Variants in ZDHHC14 observed in about 807,000 individuals in gnomAD.
ZDHHC14 encodes the protein palmitoyltransferase ZDHHC14.
ZDHHC14 carries 16 observed loss-of-function variants against 47.7 expected under a neutral mutation model. That is an observed-to-expected ratio of 0.34 (90% confidence interval 0.23 to 0.51). The LOEUF (loss-of-function observed/expected upper bound fraction) is 0.51. Ranked by LOEUF, ZDHHC14 falls within the 20% of genes least tolerant of loss-of-function variation. The probability of loss-of-function intolerance (pLI) is 0.97; values close to 1 mark genes in which losing one functional copy is unlikely to be tolerated. For missense variants in ZDHHC14, 515 were observed against 662.5 expected (o/e 0.78, Z 2.44); for synonymous variants, 293 against 278.9 (o/e 1.05, Z -0.50).
chr6:157,495,992 A>G (rs1780053971), intron 1 of ZDHHC14, among the ~76,000 whole-genome samples: 1 of 152,172 alleles, frequency 6.6e-6, no homozygotes, highest in African/African-American at 2.4e-5. Flanking sequence ...GGTGTGAGCC[A>G]CTGCACCCGG....
chr6:157,483,032 A>C (rs1779672205), intron 1 of ZDHHC14, among the ~76,000 whole-genome samples: 1 of 152,214 alleles, frequency 6.6e-6, no homozygotes, highest in Non-Finnish European at 1.5e-5. Context: ...GTGAGCCACC[A>C]GGCCTGGCCT....
intron 3 of ZDHHC14, among the ~76,000 whole-genome samples, chr6:157,618,953 C>T (rs1785073417): frequency 1.3e-5 from 2 of 152,222 alleles, no homozygotes; most frequent in South Asian, 4.2e-4. Flanking sequence ...CCTTCTTCCT[C>T]ACTCGCTCAA....
In ZDHHC14 at chr6:157,381,419, G is replaced by A. The variant is rs1431518697; in HGVS notation, c.-603G>A. The stretch of plus-strand genomic sequence containing the variant: ...CCCCGGCTCTCGCCGAGAGGCTCCT[G>A]ACAGAAAAACGTGCGTGGTTGTCCC... On this transcript the variant is annotated 5_prime_UTR_variant, in exon 1 of 9. Transcript: ENST00000359775. The A allele has an allele frequency of 8.1e-6, 2 of 246,530 alleles. No homozygotes were observed. The highest frequency in any genetic ancestry group is 1.7e-5 in the Non-Finnish European group (2 of 118,226). The allele number at this position is 246,530 out of a possible 1,614,324, so 15.3% of individuals were successfully genotyped here.
intron 1 of ZDHHC14, 66 bp downstream of exon 1, chr6:157,382,332 T>C: frequency 1.3e-6 from 2 of 1,560,000 alleles, no homozygotes; most frequent in Non-Finnish European, 1.7e-6. Context: ...CCGCCCCTCC[T>C]CGGGCTGCTT....
intron 1 of ZDHHC14, among the ~76,000 whole-genome samples, chr6:157,538,158 A>G (rs1050890329): frequency 1.3e-5 from 2 of 152,228 alleles, no homozygotes; most frequent in Admixed American, 6.5e-5. Context: ...GGACTGTCAC[A>G]GAGCACCTAG....
Position 157,382,553 on chromosome 6 carries a change from C to T in ZDHHC14, c.245+287C>T, listed in dbSNP as rs1413080706. 2.0e-4 allele frequency among the ~76,000 whole-genome samples: 30 copies of T among 152,232 alleles called. No homozygotes were observed. In the South Asian group the frequency reaches 6.0e-3, roughly 31 times the overall value. On this transcript the variant is annotated intron_variant, in intron 1 of 8. Transcript: ENST00000359775. ...GGCGGATGGGACCCAGCAGGTGGGG[C>T]CGCCGGTCCCTGATCCTTGGGGCGC...
At chr6:157,643,874 C>T (rs1777385095) in intron 5 of ZDHHC14, among the ~76,000 whole-genome samples, 1 of 151,496 alleles carries the variant, frequency 6.6e-6, no homozygotes, top group Non-Finnish European at 1.5e-5. Context: ...TTGACTTTGC[C>T]ATCATTCTAC....
In ZDHHC14 at chr6:157,381,991, G is replaced by A. The variant is rs1777221122; in HGVS notation, c.-31G>A. 1 of 1,311,350 alleles carries A rather than the reference G, an allele frequency of 7.6e-7. No homozygotes were observed. The allele number at this position is 1,311,350 out of a possible 1,614,324, so 81.2% of individuals were successfully genotyped here. ...CCCGCGCGGCCGGGGGGCTCCTGGG[G>A]GTGTGCGCCCCCAGCCGGCTGCCCT... On this transcript the variant is annotated 5_prime_UTR_variant, in exon 1 of 9. Coordinates refer to ENST00000359775, the MANE Select transcript of ZDHHC14 (RefSeq NM_024630.3).
chr6:157,606,186 T>C (rs1054734600), intron 3 of ZDHHC14, among the ~76,000 whole-genome samples: 1 of 152,142 alleles, frequency 6.6e-6, no homozygotes, highest in Non-Finnish European at 1.5e-5. Flanking sequence ...GAGGAGAGTC[T>C]GGAAGCGGTG....
chr6:157,638,284 G>A (rs928924649), intron 5 of ZDHHC14, among the ~76,000 whole-genome samples: 3 of 152,160 alleles, frequency 2.0e-5, no homozygotes, highest in South Asian at 2.1e-4. Context: ...GTCCATAGTC[G>A]GTTCTCCCTC....
intron 1 of ZDHHC14, among the ~76,000 whole-genome samples, chr6:157,453,161 T>C (rs1040423182): frequency 1.3e-5 from 2 of 152,174 alleles, no homozygotes; most frequent in African/African-American, 4.8e-5. Context: ...GTTACTGACT[T>C]GGGTGTCTCC....
At chr6:157,515,804 C>G (rs1780674636) in intron 1 of ZDHHC14, among the ~76,000 whole-genome samples, 1 of 152,128 alleles carries the variant, frequency 6.6e-6, no homozygotes, top group South Asian at 2.1e-4. Flanking sequence ...CACACCATCT[C>G]TTGCACTCAC....
rs768063106 is a variant in ZDHHC14 at position 157,536,819 on chromosome 6, C to CTTTTTTTTTTTTTTT, written c.246-5763_246-5749dup. On this transcript the variant is annotated intron_variant, in intron 1 of 8. Transcript: ENST00000359775. Reference sequence around the variant, plus strand: ...TCTGTCTATCTATCCCTCCATCTATCTTTTTTTTTTTTTTTTTGAGACAGA... The same window carrying CTTTTTTTTTTTTTTT: ...TCTGTCTATCTATCCCTCCATCTATCTTTTTTTTTTTTTTTTTTTTTTTTTTTTTTTTGAGACAGA... Among the ~76,000 whole-genome samples the CTTTTTTTTTTTTTTT allele has an allele frequency of 5.9e-4, 58 of 97,968 alleles. 5 individuals are homozygous for CTTTTTTTTTTTTTTT. The highest frequency in any genetic ancestry group is 1.4e-3 in the African/African-American group (22 of 15,636). The allele number at this position is 97,968 out of a possible 152,430, so 64.3% of individuals were successfully genotyped here. A position where few individuals can be genotyped will look rare whatever the true frequency, so the allele number is the denominator to read the frequency against.
chr6:157,522,944 TC>T (rs1212950725), intron 1 of ZDHHC14, among the ~76,000 whole-genome samples: 12 of 57,056 alleles, frequency 2.1e-4, no homozygotes, highest in African/African-American at 1.4e-3. Flanking sequence ...TTTCTTTCTT[TC>T]CTTCCTTCCT....
chr6:157,505,615 T>C (rs181469915), intron 1 of ZDHHC14, among the ~76,000 whole-genome samples: 1 of 152,336 alleles, frequency 6.6e-6, no homozygotes, highest in East Asian at 1.9e-4. Flanking sequence ...AACCAGTGGC[T>C]GTAATCTATT....
At chr6:157,408,692 TTA>T (rs1013297171) in intron 1 of ZDHHC14, among the ~76,000 whole-genome samples, 32 of 152,348 alleles carry the variant, frequency 2.1e-4, no homozygotes, top group African/African-American at 7.2e-4. Flanking sequence ...CACATTTTCT[TTA>T]TCCATTCTAT....
At chr6:157,647,222 A>G (rs758552365) in intron 6 of ZDHHC14, 37 bp from the exon 7 acceptor site, 1 of 1,468,778 alleles carries the variant, frequency 6.8e-7, no homozygotes, top group East Asian at 2.3e-5. Flanking sequence ...GTTGGTGTGG[A>G]AGATATTGCT....
intron 8 of ZDHHC14, among the ~76,000 whole-genome samples, chr6:157,655,285 T>A (rs1778034004): frequency 6.6e-6 from 1 of 152,192 alleles, no homozygotes; most frequent in South Asian, 2.1e-4. Context: ...CATTTAACCC[T>A]AAAGCAACAG....
At chr6:157,484,787 G>T (rs147116460) in intron 1 of ZDHHC14, among the ~76,000 whole-genome samples, 1 of 152,022 alleles carries the variant, frequency 6.6e-6, no homozygotes, top group East Asian at 1.9e-4. Flanking sequence ...AAACACAATT[G>T]AAGAAAACCA....
Sources: gnomAD v4.1 joint callset for allele counts (sites outside exome capture counted in the v4.1 genomes callset) on GRCh38, gnomAD v4.1.1 for gene constraint, MANE v1.5 for transcripts, NCBI Gene and HGNC (gene_info 2026-07-23, HGNC 2026-07-21) for gene names.